CNTN4: variants seen among roughly 807,000 people sequenced by gnomAD.
CNTN4 encodes the protein contactin 4.
Under a neutral mutation model 122.5 loss-of-function variants are expected in CNTN4, and 77 were observed. The observed-to-expected ratio is 0.63, with a 90% CI of 0.52 to 0.76. CNTN4 has a LOEUF of 0.76. CNTN4 is among the 30% of genes least tolerant of loss of function. The pLI is 0.00. For missense variants in CNTN4, 1,256 were observed against 1,259.1 expected (o/e 1.00, Z 0.04); for synonymous variants, 512 against 447.0 (o/e 1.15, Z -1.83).
chr3:2,501,848 C>T (rs1330780625), intron 3 of CNTN4, among the ~76,000 whole-genome samples: 7 of 152,114 alleles, frequency 4.6e-5, no homozygotes, highest in Admixed American at 3.3e-4. Flanking sequence ...ACCTAGATTC[C>T]ACCATTTAAG....
At chr3:2,595,296 T>G (rs2149694885) in intron 4 of CNTN4, among the ~76,000 whole-genome samples, 1 of 152,352 alleles carries the variant, frequency 6.6e-6, no homozygotes, top group South Asian at 2.1e-4. Context: ...TCCTTAGTTT[T>G]CATGCCAGTT....
intron 4 of CNTN4, among the ~76,000 whole-genome samples, chr3:2,704,350 C>T (rs565449332): frequency 2.2e-5 from 3 of 137,190 alleles, no homozygotes; most frequent in Non-Finnish European, 4.8e-5. Flanking sequence ...CCCTCTTATA[C>T]ATAATACCAT....
chr3:2,191,460 T>G (rs2037540676), intron 2 of CNTN4, among the ~76,000 whole-genome samples: 2 of 152,238 alleles, frequency 1.3e-5, no homozygotes, highest in South Asian at 4.1e-4. Flanking sequence ...GTAATTGTCC[T>G]CTATGTCCCT....
chr3:2,666,932 A>T (rs575774880), intron 4 of CNTN4, among the ~76,000 whole-genome samples: 1 of 151,676 alleles, frequency 6.6e-6, no homozygotes, highest in South Asian at 2.1e-4. Flanking sequence ...ATCCTTTTTC[A>T]TGGCTGCGTA....
intron 6 of CNTN4, among the ~76,000 whole-genome samples, chr3:2,805,441 C>T (rs2092443454): frequency 1.3e-5 from 2 of 152,158 alleles, no homozygotes; most frequent in Non-Finnish European, 2.9e-5. Context: ...GGAAAGATGA[C>T]AGGCCAGTGC....
intron 4 of CNTN4, among the ~76,000 whole-genome samples, chr3:2,625,505 A>G (rs1479546): frequency 0.41 from 63,013 of 151,934 alleles, 13,589 homozygotes; most frequent in East Asian, 0.71. Context: ...TGTAACCATG[A>G]TCCTGAAATT....
intron 10 of CNTN4, among the ~76,000 whole-genome samples, chr3:2,894,910 C>A (rs958165050): frequency 7.9e-5 from 12 of 152,106 alleles, no homozygotes; most frequent in Admixed American, 6.6e-4. Flanking sequence ...CCTTATTCAC[C>A]AAGAGCTGTG....
intron 4 of CNTN4, among the ~76,000 whole-genome samples, chr3:2,603,541 A>G (rs1030444235): frequency 6.6e-6 from 1 of 152,372 alleles, no homozygotes; most frequent in South Asian, 2.1e-4. Context: ...GAATGAGCAT[A>G]TAAGTAGAAG....
intron 2 of CNTN4, among the ~76,000 whole-genome samples, chr3:2,165,115 G>A (rs1307781827): frequency 1.3e-5 from 2 of 152,082 alleles, no homozygotes; most frequent in Non-Finnish European, 2.9e-5. Flanking sequence ...CTGAGGTCAG[G>A]AGGTCGAGAC....
chr3:3,016,315 C>A (rs1403066719), intron 14 of CNTN4, among the ~76,000 whole-genome samples: 1 of 152,086 alleles, frequency 6.6e-6, no homozygotes. Flanking sequence ...ACATATACCC[C>A]CCTTCCCTCT....
intron 4 of CNTN4, among the ~76,000 whole-genome samples, chr3:2,688,074 C>G (rs527550669): frequency 2.6e-5 from 4 of 152,096 alleles, no homozygotes; most frequent in Admixed American, 2.6e-4. Flanking sequence ...AAAACAACAA[C>G]AACAAAAGAT....
At chr3:2,113,600 G>A (rs1240689364) in intron 2 of CNTN4, among the ~76,000 whole-genome samples, 1 of 152,178 alleles carries the variant, frequency 6.6e-6, no homozygotes, top group East Asian at 1.9e-4. Flanking sequence ...TACACAACCT[G>A]CTTAATTGTA....
intron 7 of CNTN4, among the ~76,000 whole-genome samples, chr3:2,843,653 C>A (rs1005851963): frequency 6.6e-6 from 1 of 152,066 alleles, no homozygotes; most frequent in African/African-American, 2.4e-5. Flanking sequence ...GTGGCACCTA[C>A]CCCCCATCTC....
rs143817475 is a variant in CNTN4, at chr3:2,438,092, C to G, written c.-89+98859C>G. Among the ~76,000 whole-genome samples the G allele has an allele frequency of 3.6e-3, 543 of 152,282 alleles. 2 individuals are homozygous for G. The highest frequency in any genetic ancestry group is 5.4e-3 in the Non-Finnish European group (366 of 68,002). ...ATTCCACTTCTTTTCACTTATGTTT[C>G]TATTGACCTCCGCAAGGTCATAGAC... is the stretch of plus-strand genomic sequence containing the variant. On this transcript the variant is annotated intron_variant, in intron 3 of 24. Coordinates refer to ENST00000418658, the MANE Select transcript of CNTN4 (RefSeq NM_175607.3).
At chr3:2,470,785 T>C (rs540936356) in intron 3 of CNTN4, among the ~76,000 whole-genome samples, 4 of 152,350 alleles carry the variant, frequency 2.6e-5, no homozygotes, top group South Asian at 4.1e-4. Context: ...CTTAGAGTTA[T>C]GCCTGTTTGC....
At chr3:2,789,532 A>G (rs1040036741) in intron 6 of CNTN4, among the ~76,000 whole-genome samples, 1 of 152,166 alleles carries the variant, frequency 6.6e-6, no homozygotes, top group African/African-American at 2.4e-5. Flanking sequence ...TCCCGGGTTC[A>G]AGTGATTCTT....
intron 7 of CNTN4, among the ~76,000 whole-genome samples, chr3:2,854,560 A>C (rs2093598220): frequency 6.6e-6 from 1 of 151,948 alleles, no homozygotes; most frequent in Non-Finnish European, 1.5e-5. Context: ...AGCATGAGCC[A>C]CCCTGCCCGG....
intron 13 of CNTN4, among the ~76,000 whole-genome samples, chr3:2,974,367 T>G (rs902952691): frequency 7.9e-5 from 12 of 152,168 alleles, no homozygotes; most frequent in African/African-American, 2.9e-4. Flanking sequence ...ATAACAGAAA[T>G]GATCTTTGCA....
intron 14 of CNTN4, among the ~76,000 whole-genome samples, chr3:3,004,106 A>G (rs1198606469): frequency 6.6e-6 from 1 of 152,022 alleles, no homozygotes; most frequent in East Asian, 1.9e-4. Flanking sequence ...TATGTATTAT[A>G]TCTTCAATTA....
Sources: gnomAD v4.1 joint callset for allele counts (sites outside exome capture counted in the v4.1 genomes callset) on GRCh38, gnomAD v4.1.1 for gene constraint, MANE v1.5 for transcripts, NCBI Gene and HGNC (gene_info 2026-07-23, HGNC 2026-07-21) for gene names.